The following CASZ1 variants were observed in gnomAD, a reference collection of about 807,000 sequenced individuals.
CASZ1 encodes zinc finger protein castor homolog 1.
CASZ1 carries 28 observed loss-of-function variants against 135.2 expected under a neutral mutation model. The observed-to-expected ratio is 0.21, with a 90% CI of 0.15 to 0.28. CASZ1 has a LOEUF of 0.28. Among genes scored for constraint, CASZ1 ranks in the 10% least tolerant of loss-of-function variants. The probability of loss-of-function intolerance (pLI) is 1.00; values close to 1 mark genes in which losing one functional copy is unlikely to be tolerated. For missense variants in CASZ1, 2,161 were observed against 2,453.3 expected (o/e 0.88, Z 2.52); for synonymous variants, 1,068 against 1,073.4 (o/e 0.99, Z 0.10).
At position 10,726,958 on chromosome 1, in the gene CASZ1, T is replaced by G. The variant is rs1639609012; in HGVS notation, c.-76-21414A>C. On this transcript the variant is annotated intron_variant, in intron 2 of 20. Coordinates refer to ENST00000377022, the MANE Select transcript of CASZ1 (RefSeq NM_001079843.3). The surrounding 1 kb of genome is among the most constrained non-coding windows in gnomAD (Gnocchi z 5.7). ...GCACCATGTGGGGCTTCCTGGCCAG[T>G]TTCTCTATCACGAAAGCCAGGACGG... is the stretch of plus-strand genomic sequence containing the variant. Among the ~76,000 whole-genome samples the G allele has an allele frequency of 6.6e-6, 1 of 152,056 alleles. No individual in the cohort carries two copies. The highest frequency in any genetic ancestry group is 2.4e-5 in the African/African-American group (1 of 41,362).
In CASZ1 at chr1:10,646,380, T is replaced by C; in HGVS notation, c.3498-54A>G. On this transcript the variant is annotated intron_variant, in intron 16 of 20. Coordinates refer to ENST00000377022, the MANE Select transcript of CASZ1 (RefSeq NM_001079843.3). This position sits in a 1 kb window ranked among gnomAD's most constrained non-coding sequence, Gnocchi z 6.4. ...ATTGCCATTCTCAAGCCCTCCCTGCTGGTGTCCTGACTTCACTTGTGTTGG... is the reference window on the plus strand; with the variant it reads ...ATTGCCATTCTCAAGCCCTCCCTGCCGGTGTCCTGACTTCACTTGTGTTGG... 1 of 1,567,428 alleles carries C rather than the reference T, an allele frequency of 6.4e-7. No individual in the cohort carries two copies. Among genetic ancestry groups the C allele is most frequent in the Middle Eastern group, 1.7e-4 (1 of 5,722 alleles).
rs541260751 is a variant in CASZ1 at position 10,741,790 on chromosome 1, T to TTA, written c.-77+18909_-77+18910dup. 1.1e-3 allele frequency among the ~76,000 whole-genome samples: 163 copies of TTA among 151,272 alleles called. 1 individual carries two copies. The Middle Eastern group carries it at 0.024, about 23-fold the overall frequency. On this transcript the variant is annotated intron_variant, in intron 2 of 20. Coordinates refer to ENST00000377022, the MANE Select transcript of CASZ1 (RefSeq NM_001079843.3). This position sits in a 1 kb window ranked among gnomAD's most constrained non-coding sequence, Gnocchi z 5.0. ...CTTTACAAACGACTTTTATACATAT[T>TTA]TATATATATATATAGTTATATATTA...
intron 2 of CASZ1, among the ~76,000 whole-genome samples, chr1:10,734,148 C>A (rs1639751805): frequency 6.6e-6 from 1 of 152,026 alleles, no homozygotes; most frequent in Non-Finnish European, 1.5e-5. Context: ...CCTGCCCGAG[C>A]AGATGACAGG....
chr1:10,789,182 G>T (rs1640910871), intron 1 of CASZ1, among the ~76,000 whole-genome samples: 1 of 149,700 alleles, frequency 6.7e-6, no homozygotes, highest in Admixed American at 6.6e-5. Flanking sequence ...CCAAGACAGG[G>T]CTGTTCCCAT....
chr1:10,772,940 C>A (rs969698349), intron 1 of CASZ1, among the ~76,000 whole-genome samples: 4 of 152,130 alleles, frequency 2.6e-5, no homozygotes, highest in African/African-American at 9.7e-5. Flanking sequence ...GGCCCCATGA[C>A]CACATGGTGG....
chr1:10,686,893 G>T (rs1638610594), intron 4 of CASZ1, among the ~76,000 whole-genome samples: 1 of 152,210 alleles, frequency 6.6e-6, no homozygotes, highest in Admixed American at 6.5e-5. Flanking sequence ...CAGATGCCGT[G>T]GGGCACCCCC....
At chr1:10,764,082 C>T (rs766157903) in intron 1 of CASZ1, among the ~76,000 whole-genome samples, 9 of 152,204 alleles carry the variant, frequency 5.9e-5, no homozygotes, top group Non-Finnish European at 1.3e-4. Flanking sequence ...AGACTGGTCT[C>T]GAACTCCTGA....
intron 4 of CASZ1, among the ~76,000 whole-genome samples, chr1:10,692,572 T>TC (rs1223026354): frequency 2.0e-5 from 3 of 152,056 alleles, no homozygotes; most frequent in Non-Finnish European, 4.4e-5. Context: ...GTCACACCCT[T>TC]CCCGGGCGCA....
At position 10,719,015 on chromosome 1, in the gene CASZ1, C is replaced by G. The variant is rs1210294914; in HGVS notation, c.-76-13471G>C. 6.6e-6 allele frequency among the ~76,000 whole-genome samples: 1 copy of G among 152,114 alleles called. No individual in the cohort carries two copies. The highest frequency in any genetic ancestry group is 1.5e-5 in the Non-Finnish European group (1 of 68,016). On this transcript the variant is annotated intron_variant, in intron 2 of 20. Coordinates refer to ENST00000377022, the MANE Select transcript of CASZ1 (RefSeq NM_001079843.3). This position sits in a 1 kb window ranked among gnomAD's most constrained non-coding sequence, Gnocchi z 4.0. ...GCAACCTCTGCTTTCCGGGTTCAAGCAATTGTTGTGCCTCAGCCTCCCGAG... is the reference window on the plus strand; with the variant it reads ...GCAACCTCTGCTTTCCGGGTTCAAGGAATTGTTGTGCCTCAGCCTCCCGAG...
At chr1:10,712,625 C>T (rs1294822536) in intron 2 of CASZ1, among the ~76,000 whole-genome samples, 7 of 152,024 alleles carry the variant, frequency 4.6e-5, no homozygotes, top group Non-Finnish European at 8.8e-5. Context: ...GAGTGGGGCT[C>T]CCGGGGCTCC....
Position 10,646,147 on chromosome 1 carries a change from T to C in CASZ1, c.3677A>G (p.Gln1226Arg), listed in dbSNP as rs367666133. 11 of 1,614,114 alleles carry C rather than the reference T, an allele frequency of 6.8e-6. No individual in the cohort carries two copies. Among genetic ancestry groups the C allele is most frequent in the Admixed American group, 1.7e-5 (1 of 60,018 alleles). Residue 1226 changes from glutamine (Q) to arginine (R), a missense_variant, in exon 17 of 21, where the codon CAG (glutamine) becomes CGG (arginine). Physicochemically the swap from Gln to Arg is conservative, Grantham distance 43 (BLOSUM62 1). Around this residue, in one of 7 missense-constraint regions of CASZ1, gnomAD observed 349 missense variants for 460.8 expected, o/e 0.76. Transcript: ENST00000377022. This position sits in a 1 kb window ranked among gnomAD's most constrained non-coding sequence, Gnocchi z 6.4. ...GCTGACCTGGTTGGGACAGAGACAC[T>C]GCAGAGAGTAGTATGCAAACTGGTC... ...VRDQFAYYSL[Q>R]CLCPNQHCEF...
intron 13 of CASZ1, 21 bp downstream of exon 13, chr1:10,650,671 C>T (rs200491317): frequency 7.8e-5 from 125 of 1,600,520 alleles, no homozygotes; most frequent in Non-Finnish European, 1.0e-4. Context: ...GAACGGGAGG[C>T]GTGTGATGGA....
At chr1:10,750,086 G>C (rs1156494207) in intron 2 of CASZ1, among the ~76,000 whole-genome samples, 3 of 152,092 alleles carry the variant, frequency 2.0e-5, no homozygotes, top group Admixed American at 6.5e-5. Flanking sequence ...GCAGGGGCCC[G>C]GGGGCAGGGA....
rs1400792983 is a variant in CASZ1 at position 10,735,409 on chromosome 1, AGGGGACG to A, written c.-77+25285_-77+25291del. ...GCAGGCGAGGCCCGGGAGCTCTGGG[AGGGGACG>A]GGGGACTGGCGGAGTCAGGCGCCAG... On this transcript the variant is annotated intron_variant, in intron 2 of 20. Coordinates refer to ENST00000377022, the MANE Select transcript of CASZ1 (RefSeq NM_001079843.3). The surrounding 1 kb of genome is among the most constrained non-coding windows in gnomAD (Gnocchi z 5.1). Among the ~76,000 whole-genome samples the A allele has an allele frequency of 2.6e-5, 4 of 152,220 alleles. No homozygotes were observed. In the East Asian group the frequency reaches 7.8e-4, roughly 30 times the overall value.
At position 10,666,217 on chromosome 1, in the gene CASZ1, C is replaced by T. The variant is rs1452701617; in HGVS notation, c.17-646G>A. Among the ~76,000 whole-genome samples the T allele has an allele frequency of 1.3e-5, 2 of 152,168 alleles. No individual in the cohort carries two copies. Among genetic ancestry groups the T allele is most frequent in the Non-Finnish European group, 2.9e-5 (2 of 68,018 alleles). On this transcript the variant is annotated intron_variant, in intron 4 of 20. Coordinates refer to ENST00000377022, the MANE Select transcript of CASZ1 (RefSeq NM_001079843.3). The surrounding 1 kb of genome is among the most constrained non-coding windows in gnomAD (Gnocchi z 5.2). ...TGGGCCCTACCTGACTCCAACCCTG[C>T]TCAGCAGAGAGCAGAGATCTCCTTT...
intron 7 of CASZ1, 21 bp downstream of exon 7, chr1:10,658,486 AG>A (rs1360657317): frequency 6.2e-7 from 1 of 1,605,106 alleles, no homozygotes; most frequent in Non-Finnish European, 8.5e-7. Flanking sequence ...TCTCCACGGC[AG>A]GCTCCTCCCC....
rs527668968 is a variant in CASZ1, at chr1:10,726,199, AGTGAAGTCG to A, written c.-76-20664_-76-20656del. ...GGAGGGCTGACCGCGTCCCAGGCAG[AGTGAAGTCG>A]GTTTTATAAACCACCTCATTAAACA... On this transcript the variant is annotated intron_variant, in intron 2 of 20. Transcript: ENST00000377022. This position sits in a 1 kb window ranked among gnomAD's most constrained non-coding sequence, Gnocchi z 5.7. Among the ~76,000 whole-genome samples, 394 of 152,302 alleles carry A rather than the reference AGTGAAGTCG, an allele frequency of 2.6e-3. No homozygotes were observed. The highest frequency in any genetic ancestry group is 8.8e-3 in the African/African-American group (367 of 41,556).
In CASZ1 at chr1:10,697,834, G is replaced by C. The variant is rs868790358; in HGVS notation, c.-23-3922C>G. Among the ~76,000 whole-genome samples, 16 of 152,278 alleles carry C rather than the reference G, an allele frequency of 1.1e-4. No homozygotes were observed. The highest frequency in any genetic ancestry group is 3.3e-4 in the Admixed American group (5 of 15,292). ...GCACAGAAGCCTTGGCCAAAGGACT[G>C]CGTGTGCCTGCGAACAAGCATGTTC... On this transcript the variant is annotated intron_variant, in intron 3 of 20. Transcript: ENST00000377022. This position sits in a 1 kb window ranked among gnomAD's most constrained non-coding sequence, Gnocchi z 4.7.
At position 10,660,529 on chromosome 1, in the gene CASZ1, G is replaced by A. The variant is rs763422525; in HGVS notation, c.513C>T (p.Ala171=). 2 of 1,611,618 alleles carry A rather than the reference G, an allele frequency of 1.2e-6. No individual in the cohort carries two copies. The highest frequency in any genetic ancestry group is 1.3e-5 in the African/African-American group (1 of 74,924). The part of the protein sequence containing the change: ...GPSTRQASGE[A]SSLRDYAAST... ...AGGCCGCGTAGTCCCGCAGCGAGGA[G>A]GCCTCTCCTGCAGAGGAGGATGGGG... The change falls in exon 6 of 21, where the codon GCC becomes GCT. Residue 171 remains alanine, a synonymous_variant. Transcript: ENST00000377022.
Sources: gnomAD v4.1 joint callset for allele counts (sites outside exome capture counted in the v4.1 genomes callset) on GRCh38, gnomAD v4.1.1 for gene constraint, gnomAD v4.1.1 regional missense constraint, Gnocchi (gnomAD v3.1) non-coding constraint, MANE v1.5 for transcripts, NCBI Gene and HGNC (gene_info 2026-07-23, HGNC 2026-07-21) for gene names.